PTPRD: variants seen among roughly 807,000 people sequenced by gnomAD.
The protein encoded by PTPRD is protein tyrosine phosphatase receptor type D.
PTPRD carries 34 observed loss-of-function variants against 214.5 expected under a neutral mutation model. That is an observed-to-expected ratio of 0.16 (90% confidence interval 0.12 to 0.21). The LOEUF (loss-of-function observed/expected upper bound fraction) is 0.21. Ranked by LOEUF, PTPRD falls within the 10% of genes least tolerant of loss-of-function variation. The pLI is 1.00. For missense variants in PTPRD, 2,545 were observed against 2,398.7 expected (o/e 1.06, Z -1.27); for synonymous variants, 1,128 against 845.7 (o/e 1.33, Z -5.79).
rs143042259 is a variant in PTPRD, at chr9:9,304,771, T to C, written c.-203+92678A>G. On this transcript the variant is annotated intron_variant, in intron 9 of 45. Transcript: ENST00000381196. ...AGAATAAGCCTGGCTGCTGGCCTAA[T>C]GGAAAGGAAAAAGAGCTGACAGTCT... 9.1e-4 allele frequency among the ~76,000 whole-genome samples: 138 copies of C among 151,584 alleles called. 1 individual carries two copies. Among genetic ancestry groups the C allele is most frequent in the South Asian group, 3.6e-3 (17 of 4,744 alleles).
At chr9:8,770,994 A>G (rs1394337577) in intron 11 of PTPRD, among the ~76,000 whole-genome samples, 2 of 151,950 alleles carry the variant, frequency 1.3e-5, no homozygotes, top group South Asian at 4.1e-4. Context: ...CCTGGCTAAT[A>G]CGGTGAAACC....
At chr9:9,555,088 T>C (rs2081198423) in intron 8 of PTPRD, among the ~76,000 whole-genome samples, 1 of 152,092 alleles carries the variant, frequency 6.6e-6, no homozygotes, top group Non-Finnish European at 1.5e-5. Context: ...CATAAGTGCA[T>C]AATGTGAAAC....
intron 2 of PTPRD, among the ~76,000 whole-genome samples, chr9:10,529,257 G>A (rs2055327084): frequency 6.6e-6 from 1 of 152,052 alleles, no homozygotes; most frequent in Non-Finnish European, 1.5e-5. Context: ...CTACTATAAA[G>A]ACACATTCAC....
intron 8 of PTPRD, among the ~76,000 whole-genome samples, chr9:9,489,069 T>C (rs1188725562): frequency 6.6e-6 from 1 of 152,188 alleles, no homozygotes. Flanking sequence ...GCACTCTTTT[T>C]ACTCCATTTT....
At chr9:9,407,512 T>C (rs1225762145) in intron 8 of PTPRD, among the ~76,000 whole-genome samples, 2 of 151,910 alleles carry the variant, frequency 1.3e-5, no homozygotes, top group South Asian at 2.1e-4. Context: ...CTCTGAATAA[T>C]AGGATATGAA....
At chr9:9,333,804 G>A (rs781302758) in intron 9 of PTPRD, among the ~76,000 whole-genome samples, 2 of 151,552 alleles carry the variant, frequency 1.3e-5, no homozygotes, top group Admixed American at 6.6e-5. Flanking sequence ...AGATGTGGTT[G>A]GAAAATAATT....
intron 2 of PTPRD, among the ~76,000 whole-genome samples, chr9:10,576,116 G>T (rs1347838131): frequency 6.6e-6 from 1 of 152,120 alleles, no homozygotes; most frequent in Non-Finnish European, 1.5e-5. Flanking sequence ...TTCTTCCCTT[G>T]CCTATGAATC....
At chr9:8,522,847 T>A (rs1393809166) in intron 19 of PTPRD, among the ~76,000 whole-genome samples, 7 of 152,156 alleles carry the variant, frequency 4.6e-5, no homozygotes, top group African/African-American at 9.7e-5. Flanking sequence ...AAAGATTTTT[T>A]AAAAATTATA....
intron 11 of PTPRD, among the ~76,000 whole-genome samples, chr9:8,912,200 T>C (rs1191804615): frequency 6.6e-6 from 1 of 152,186 alleles, no homozygotes; most frequent in Non-Finnish European, 1.5e-5. Context: ...TAAAAATATG[T>C]ATGCAAATGT....
intron 11 of PTPRD, among the ~76,000 whole-genome samples, chr9:8,772,730 T>A (rs1007934130): frequency 2.0e-5 from 3 of 151,412 alleles, no homozygotes; most frequent in Non-Finnish European, 4.4e-5. Context: ...CTGAGTCAGT[T>A]TCAATAGGTT....
At chr9:10,096,518 T>C (rs1039991093) in intron 3 of PTPRD, among the ~76,000 whole-genome samples, 1 of 151,980 alleles carries the variant, frequency 6.6e-6, no homozygotes, top group Non-Finnish European at 1.5e-5. Context: ...CATGTGTCTT[T>C]TGGCTGCATA....
At chr9:8,684,165 A>G (rs1289468587) in intron 12 of PTPRD, among the ~76,000 whole-genome samples, 4 of 152,170 alleles carry the variant, frequency 2.6e-5, no homozygotes, top group African/African-American at 9.7e-5. Flanking sequence ...GTCTTTTTAT[A>G]AGCTACCAAC....
At chr9:8,703,650 T>A (rs1334752397) in intron 12 of PTPRD, among the ~76,000 whole-genome samples, 3 of 152,228 alleles carry the variant, frequency 2.0e-5, no homozygotes, top group Non-Finnish European at 4.4e-5. Flanking sequence ...TTCTATTAAC[T>A]GGGGAACCCA....
chr9:9,470,810 C>T (rs574107414), intron 8 of PTPRD, among the ~76,000 whole-genome samples: 8 of 152,126 alleles, frequency 5.3e-5, no homozygotes, highest in Non-Finnish European at 8.8e-5. Flanking sequence ...TGTGAAGCTG[C>T]CATGCTGTCT....
At chr9:8,555,148 G>A (rs561699524) in intron 14 of PTPRD, among the ~76,000 whole-genome samples, 4 of 152,254 alleles carry the variant, frequency 2.6e-5, no homozygotes, top group African/African-American at 9.6e-5. Context: ...CAGGTGTGGT[G>A]GCTCATGCCT....
chr9:9,627,071 T>C (rs2095444511), intron 7 of PTPRD, among the ~76,000 whole-genome samples: 1 of 152,230 alleles, frequency 6.6e-6, no homozygotes, highest in Non-Finnish European at 1.5e-5. Flanking sequence ...TCCCACACTT[T>C]GGGAGGCCAA....
At chr9:10,305,765 G>A (rs904737369) in intron 3 of PTPRD, among the ~76,000 whole-genome samples, 2 of 152,050 alleles carry the variant, frequency 1.3e-5, no homozygotes, top group Non-Finnish European at 2.9e-5. Context: ...TAAAAAGTCA[G>A]GAAACAACAG....
At chr9:10,071,130 G>C (rs2098003990) in intron 3 of PTPRD, among the ~76,000 whole-genome samples, 1 of 152,012 alleles carries the variant, frequency 6.6e-6, no homozygotes, top group Admixed American at 6.6e-5. Flanking sequence ...TAAATACATG[G>C]AGAGAGATTT....
chr9:9,634,388 C>T (rs1159793017), intron 7 of PTPRD, among the ~76,000 whole-genome samples: 1 of 152,008 alleles, frequency 6.6e-6, no homozygotes, highest in Non-Finnish European at 1.5e-5. Flanking sequence ...AATTGCAATG[C>T]TAGAAATATC....
Sources: gnomAD v4.1 joint callset for allele counts (sites outside exome capture counted in the v4.1 genomes callset) on GRCh38, gnomAD v4.1.1 for gene constraint, MANE v1.5 for transcripts, NCBI Gene and HGNC (gene_info 2026-07-23, HGNC 2026-07-21) for gene names.